The following PATE4 variants were observed in gnomAD, a reference collection of about 807,000 sequenced individuals.
The protein encoded by PATE4 is prostate and testis expressed 4, also known as prostate and testis expressed protein 4.
Under a neutral mutation model 8.5 loss-of-function variants are expected in PATE4, and 13 were observed. The observed-to-expected ratio is 1.53, with a 90% CI of 1.00 to 2.43. The LOEUF (loss-of-function observed/expected upper bound fraction) is 2.43. PATE4 is among the 30% of genes most tolerant of loss of function. The pLI is 0.00. For missense variants in PATE4, 127 were observed against 115.5 expected (o/e 1.10, Z -0.46); for synonymous variants, 47 against 39.3 (o/e 1.20, Z -0.73).
chr11:125,833,781 A>G (rs1171426766), intron 1 of PATE4, among the ~76,000 whole-genome samples: 1 of 152,078 alleles, frequency 6.6e-6, no homozygotes, highest in African/African-American at 2.4e-5. Flanking sequence ...CTACCTGATC[A>G]TTAAACACTG....
intron 1 of PATE4, among the ~76,000 whole-genome samples, chr11:125,836,823 A>G (rs1943923312): frequency 6.6e-6 from 1 of 152,208 alleles, no homozygotes; most frequent in Non-Finnish European, 1.5e-5. Flanking sequence ...ACATGCTCAA[A>G]ACCCAGCAAC....
At chr11:125,838,095 G>T in intron 2 of PATE4, 111 bp downstream of exon 2, 1 of 1,025,538 alleles carries the variant, frequency 9.8e-7, no homozygotes, top group Non-Finnish European at 1.4e-6. Flanking sequence ...GGTAAGGCAA[G>T]GAATAAAAGA....
In PATE4 at chr11:125,837,995, C is replaced by A. The variant is rs761205388; in HGVS notation, c.175+11C>A. ...CAGCCTATTTCAGGGGTAAGTGGGG[C>A]TCATGAAGACTCCAAAATTGCCTGC... On this transcript the variant is annotated intron_variant, in intron 2 of 2. Coordinates refer to ENST00000457514, the MANE Select transcript of PATE4 (RefSeq NM_001144874.1). 18 of 1,530,990 alleles carry A rather than the reference C, an allele frequency of 1.2e-5. No individual in the cohort carries two copies. Among genetic ancestry groups the A allele is most frequent in the Non-Finnish European group, 1.4e-5 (16 of 1,128,588 alleles). 94.8% of individuals were successfully genotyped at this position (1,530,990 alleles called of 1,614,324 possible). A position where few individuals can be genotyped will look rare whatever the true frequency, so the allele number is the denominator to read the frequency against.
intron 1 of PATE4, among the ~76,000 whole-genome samples, chr11:125,834,254 C>A (rs991312199): frequency 1.3e-5 from 2 of 151,924 alleles, no homozygotes; most frequent in Non-Finnish European, 2.9e-5. Flanking sequence ...TCAAAATATT[C>A]CTCATGGCAA....
At chr11:125,833,444 G>A (rs1414704768) in intron 1 of PATE4, 27 bp downstream of exon 1, 14 of 1,543,366 alleles carry the variant, frequency 9.1e-6, no homozygotes, top group African/African-American at 8.2e-5. Flanking sequence ...GGGGTGGAGG[G>A]AGGCAACTTA....
chr11:125,837,895 T>A lies in PATE4; in HGVS notation c.86T>A (p.Ile29Lys). 1.3e-6 allele frequency: 2 copies of A among 1,551,410 alleles called. No homozygotes were observed. ...ATGGGTCTGAAGTGTAATACCTGCA[T>A]ATACACAGAAGGATGGAAGTGTATG... is the stretch of plus-strand genomic sequence containing the variant. Reference protein sequence around the residue: ...EVMGLKCNTCIYTEGWKCMAG... With the variant: ...EVMGLKCNTCKYTEGWKCMAG... Residue 29 changes from isoleucine to lysine, a missense_variant, in exon 2 of 3, where the codon ATA becomes AAA. Physicochemically the swap from Ile to Lys is moderately radical, Grantham distance 102. Coordinates refer to ENST00000457514, the MANE Select transcript of PATE4 (RefSeq NM_001144874.1).
chr11:125,836,255 T>A (rs567501620), intron 1 of PATE4, among the ~76,000 whole-genome samples: 1 of 152,200 alleles, frequency 6.6e-6, no homozygotes, highest in East Asian at 1.9e-4. Flanking sequence ...AATTATTTTC[T>A]GTTTGCCCCT....
chr11:125,837,987 A>T lies in PATE4; in HGVS notation c.175+3A>T. 1 of 1,549,092 alleles carries T rather than the reference A, an allele frequency of 6.5e-7. No homozygotes were observed. The highest frequency in any genetic ancestry group is 1.7e-4 in the Middle Eastern group (1 of 5,980). On this transcript the variant is annotated splice_donor_region_variant and intron_variant, in intron 2 of 2. Transcript: ENST00000457514. ...TTCAACAACAGCCTATTTCAGGGGT[A>T]AGTGGGGCTCATGAAGACTCCAAAA...
At chr11:125,838,016 C>T in intron 2 of PATE4, 32 bp downstream of exon 2, 3 of 1,476,730 alleles carry the variant, frequency 2.0e-6, no homozygotes, top group Non-Finnish European at 2.8e-6. Context: ...TCCAAAATTG[C>T]CTGCAAAGAA....
intron 1 of PATE4, among the ~76,000 whole-genome samples, chr11:125,837,081 C>G (rs572514907): frequency 6.6e-6 from 1 of 152,304 alleles, no homozygotes; most frequent in East Asian, 1.9e-4. Context: ...GCACTCAAGT[C>G]CTCCTGGGCT....
chr11:125,835,746 A>G (rs1433870941), intron 1 of PATE4: 1 of 152,212 alleles, frequency 6.6e-6, no homozygotes, highest in Non-Finnish European at 1.5e-5. Context: ...ACCATAGACA[A>G]AAGATGACGG....
chr11:125,836,123 CT>C lies in PATE4; in HGVS notation c.59-1729del, dbSNP rs59732867. Among the ~76,000 whole-genome samples the C allele has an allele frequency of 6.3e-4, 89 of 140,680 alleles. No individual in the cohort carries two copies. The East Asian group carries it at 9.3e-3, about 15-fold the overall frequency. 92.3% of individuals were successfully genotyped at this position (140,680 alleles called of 152,430 possible). A position where few individuals can be genotyped will look rare whatever the true frequency, so the allele number is the denominator to read the frequency against. ...CTTATGCCCGAAAGTGATGGCAAGA[CT>C]TTTTTTTTTTTTTTTCTAAAAGTAC... On this transcript the variant is annotated intron_variant, in intron 1 of 2. Coordinates refer to ENST00000457514, the MANE Select transcript of PATE4 (RefSeq NM_001144874.1).
chr11:125,833,463 G>A (rs1943900946), intron 1 of PATE4, 46 bp downstream of exon 1: 1 of 1,501,582 alleles, frequency 6.7e-7, no homozygotes, highest in African/African-American at 1.4e-5. Flanking sequence ...TAGGGGTGCT[G>A]TTCTCTAAAC....
In PATE4 at chr11:125,838,443, T is replaced by C. The variant is rs769475608; in HGVS notation, c.*16T>C. On this transcript the variant is annotated 3_prime_UTR_variant, in exon 3 of 3. Coordinates refer to ENST00000457514, the MANE Select transcript of PATE4 (RefSeq NM_001144874.1). ...TGTCTTCTAATGGAGCTTAGGAACT[T>C]GCAGAGGATCATCTGATCAAGATCC... The C allele has an allele frequency of 6.5e-7, 1 of 1,534,140 alleles. No individual in the cohort carries two copies. Among genetic ancestry groups the C allele is most frequent in the South Asian group, 1.2e-5 (1 of 80,766 alleles).
chr11:125,838,992 T>C lies in PATE4; in HGVS notation c.*565T>C, dbSNP rs1943940931. 6.6e-6 allele frequency: 1 copy of C among 152,246 alleles called. No homozygotes were observed. Among genetic ancestry groups the C allele is most frequent in the African/African-American group, 2.4e-5 (1 of 41,438 alleles). The allele number at this position is 152,246 out of a possible 1,614,324, so 9.4% of individuals were successfully genotyped here. ...CCATAAGCTAAAACTAGGAGGCCAC[T>C]AGAAGCTGAAAAAGTCAAGGAAATA... is the stretch of plus-strand genomic sequence containing the variant. On this transcript the variant is annotated 3_prime_UTR_variant, in exon 3 of 3. Coordinates refer to ENST00000457514, the MANE Select transcript of PATE4 (RefSeq NM_001144874.1).
At chr11:125,838,095 GGAATAAAA>G in intron 2 of PATE4, 111 bp downstream of exon 2, 2 of 1,025,538 alleles carry the variant, frequency 2.0e-6, no homozygotes, top group Non-Finnish European at 2.9e-6. Context: ...GGTAAGGCAA[GGAATAAAA>G]GAGGGGGCAA....
intron 1 of PATE4, among the ~76,000 whole-genome samples, chr11:125,837,186 C>A (rs1284698234): frequency 3.3e-5 from 5 of 152,190 alleles, no homozygotes; most frequent in African/African-American, 1.2e-4. Context: ...GTCCTTAAAT[C>A]TAAATTACCC....
At chr11:125,835,145 G>A (rs192090893) in intron 1 of PATE4, 75 of 152,232 alleles carry the variant, frequency 4.9e-4, no homozygotes, top group African/African-American at 1.8e-3. Flanking sequence ...GAAATACTCA[G>A]GTTAAAGATC....
At position 125,839,379 on chromosome 11, in the gene PATE4, G is replaced by A. The variant is rs1332498250; in HGVS notation, c.*952G>A. ...TCAATTTGTGGATTTTAAACTTCAT[G>A]ACATGCTGCAGATAATCCTTTAGGT... On this transcript the variant is annotated 3_prime_UTR_variant, in exon 3 of 3. Transcript: ENST00000457514. The A allele has an allele frequency of 6.6e-6, 1 of 152,176 alleles. No individual in the cohort carries two copies. The highest frequency in any genetic ancestry group is 1.5e-5 in the Non-Finnish European group (1 of 68,050). The allele number at this position is 152,176 out of a possible 1,614,324, so 9.4% of individuals were successfully genotyped here.
Sources: gnomAD v4.1 joint callset for allele counts (sites outside exome capture counted in the v4.1 genomes callset) on GRCh38, gnomAD v4.1.1 for gene constraint, MANE v1.5 for transcripts, NCBI Gene and HGNC (gene_info 2026-07-23, HGNC 2026-07-21) for gene names.